The following RAB43 variants were observed in gnomAD, a reference collection of about 807,000 sequenced individuals.
RAB43 encodes ras-related protein Rab-43.
In RAB43, 6 loss-of-function variants were observed where a neutral mutation model predicts 18.8. The observed-to-expected ratio is 0.32, with a 90% CI of 0.17 to 0.63. The LOEUF is 0.63. Ranked by LOEUF, RAB43 falls within the 30% of genes least tolerant of loss-of-function variation. The probability of loss-of-function intolerance (pLI) is 0.79; values close to 1 mark genes in which losing one functional copy is unlikely to be tolerated. For synonymous variants in RAB43, 103 were observed against 124.1 expected (o/e 0.83, Z 1.13); for missense variants, 195 against 289.1 (o/e 0.67, Z 2.36).
chr3:129,098,548 A>G (rs1328860640), intron 1 of RAB43, among the ~76,000 whole-genome samples: 1 of 152,188 alleles, frequency 6.6e-6, no homozygotes, highest in African/African-American at 2.4e-5. Flanking sequence ...TGAACCACAG[A>G]TAAGGGAAAA....
chr3:129,120,706 A>G (rs1935848072), intron 1 of RAB43, among the ~76,000 whole-genome samples: 1 of 152,184 alleles, frequency 6.6e-6, no homozygotes, highest in African/African-American at 2.4e-5. Context: ...GGCTGGCCCT[A>G]GTCGAGTAAA....
intron 1 of RAB43, among the ~76,000 whole-genome samples, chr3:129,103,975 T>C (rs1934595361): frequency 6.6e-6 from 1 of 152,200 alleles, no homozygotes; most frequent in Admixed American, 6.5e-5. Flanking sequence ...CACACACTTT[T>C]TAAAGGTTTA....
intron 2 of RAB43, among the ~76,000 whole-genome samples, chr3:129,091,664 C>T (rs1933665980): frequency 6.6e-6 from 1 of 152,020 alleles, no homozygotes; most frequent in Admixed American, 6.6e-5. Context: ...GACTTCATTA[C>T]ATTCCAAACA....
At chr3:129,092,526 T>G (rs1422872738) in intron 2 of RAB43, 3 of 700,134 alleles carry the variant, frequency 4.3e-6, no homozygotes, top group Non-Finnish European at 7.8e-6. Flanking sequence ...ACTTGGAGGT[T>G]GAGGCAGGAG....
chr3:129,120,022 G>A (rs1935806783), intron 1 of RAB43, among the ~76,000 whole-genome samples: 1 of 152,124 alleles, frequency 6.6e-6, no homozygotes, highest in Non-Finnish European at 1.5e-5. Flanking sequence ...ACTCAAAGCT[G>A]CCTTCTGCAC....
intron 1 of RAB43, among the ~76,000 whole-genome samples, chr3:129,108,916 T>TC (rs1366713461): frequency 5.3e-4 from 80 of 152,012 alleles, no homozygotes; most frequent in African/African-American, 1.9e-3. Flanking sequence ...GCCCACAACA[T>TC]CCCCTAGGAC....
rs182112774 is a variant in RAB43, at chr3:129,109,282, T to C, written c.204+12004A>G. ...AAAATTAGCCGGGCGTGGTGGCGGG[T>C]GCCTGTACTTCCAGCTACTCGGGAG... is the stretch of plus-strand genomic sequence containing the variant. On this transcript the variant is annotated intron_variant, in intron 1 of 2. Coordinates refer to ENST00000315150, the MANE Select transcript of RAB43 (RefSeq NM_198490.3). 6.6e-3 allele frequency among the ~76,000 whole-genome samples: 990 copies of C among 150,996 alleles called. 9 individuals are homozygous for C. The highest frequency in any genetic ancestry group is 0.023 in the African/African-American group (934 of 41,098).
intron 1 of RAB43, among the ~76,000 whole-genome samples, chr3:129,110,961 C>T (rs1935128998): frequency 1.3e-5 from 2 of 150,644 alleles, no homozygotes; most frequent in Admixed American, 1.3e-4. Context: ...TAAGATAATT[C>T]AGGGAAAGCA....
At position 129,095,508 on chromosome 3, in the gene RAB43, G is replaced by A. The variant is rs890480807; in HGVS notation, c.205-339C>T. Among the ~76,000 whole-genome samples the A allele has an allele frequency of 2.0e-5, 3 of 152,322 alleles. No homozygotes were observed. Among genetic ancestry groups the A allele is most frequent in the Non-Finnish European group, 2.9e-5 (2 of 68,040 alleles). ...AAAACAGAACCACCAGTGCTCAAGC[G>A]GCCGGCGGCTGGAAAGCTGGCTCCA... On this transcript the variant is annotated intron_variant, in intron 1 of 2. Transcript: ENST00000315150. The surrounding 1 kb of genome is among the most constrained non-coding windows in gnomAD (Gnocchi z 4.2).
chr3:129,093,698 G>T (rs1933829619), intron 2 of RAB43, among the ~76,000 whole-genome samples: 1 of 152,196 alleles, frequency 6.6e-6, no homozygotes, highest in Non-Finnish European at 1.5e-5. Context: ...AGTCTGAACA[G>T]GCTGTGGAAG....
intron 1 of RAB43, among the ~76,000 whole-genome samples, chr3:129,113,170 A>ATT (rs1251520604): frequency 3.0e-5 from 4 of 134,418 alleles, no homozygotes; most frequent in African/African-American, 8.6e-5. Context: ...TATTATTATT[A>ATT]TTTTTTTTTT....
At chr3:129,093,121 G>A (rs1259512348) in intron 2 of RAB43, among the ~76,000 whole-genome samples, 2 of 151,864 alleles carry the variant, frequency 1.3e-5, no homozygotes, top group Non-Finnish European at 2.9e-5. Context: ...CTCCGCAGTA[G>A]CTGGGATTAC....
chr3:129,121,653 T>TCGGCC lies in RAB43; in HGVS notation c.-169_-165dup, dbSNP rs1935942701. On this transcript the variant is annotated 5_prime_UTR_variant, in exon 1 of 3. Transcript: ENST00000315150. ...GCACTGCCGACCGCCTGCCTCGGCC[T>TCGGCC]CGGCCCCGCCCCACCCCGGCTGGCT... The TCGGCC allele has an allele frequency of 2.1e-6, 1 of 484,232 alleles. No individual in the cohort carries two copies. Among genetic ancestry groups the TCGGCC allele is most frequent in the African/African-American group, 2.1e-5 (1 of 47,646 alleles). 30.0% of individuals were successfully genotyped at this position (484,232 alleles called of 1,614,324 possible).
At chr3:129,114,862 G>A (rs987782844) in intron 1 of RAB43, among the ~76,000 whole-genome samples, 2 of 152,126 alleles carry the variant, frequency 1.3e-5, no homozygotes, top group Admixed American at 6.5e-5. Context: ...AGCCACAGGG[G>A]CCAGTCTCTT....
At chr3:129,103,691 A>G (rs1405739583) in intron 1 of RAB43, among the ~76,000 whole-genome samples, 1 of 151,982 alleles carries the variant, frequency 6.6e-6, no homozygotes, top group Non-Finnish European at 1.5e-5. Flanking sequence ...CAGCCTCCCA[A>G]GTAGCTGGGA....
In RAB43 at chr3:129,095,900, G is replaced by C. The variant is rs1024513345; in HGVS notation, c.205-731C>G. On this transcript the variant is annotated intron_variant, in intron 1 of 2. Coordinates refer to ENST00000315150, the MANE Select transcript of RAB43 (RefSeq NM_198490.3). This position sits in a 1 kb window ranked among gnomAD's most constrained non-coding sequence, Gnocchi z 4.2. ...TTTAGAAGCAGAGTCTGGCAGGATG[G>C]ATACCAGGCCAGGTAGGGGCAGAGG... 5.3e-5 allele frequency among the ~76,000 whole-genome samples: 8 copies of C among 152,212 alleles called. No individual in the cohort carries two copies. The highest frequency in any genetic ancestry group is 2.6e-4 in the Admixed American group (4 of 15,286).
Position 129,121,439 on chromosome 3 carries a change from G to A in RAB43, c.51C>T (p.Phe17=). 8 of 1,613,302 alleles carry A rather than the reference G, an allele frequency of 5.0e-6. No homozygotes were observed. The highest frequency in any genetic ancestry group is 6.8e-6 in the Non-Finnish European group (8 of 1,179,656). ...CGCCCACCAGCACCAGCTTGAACAG[G>A]AAATCGTACTGCTCGTCCGGGTCCC... ...GPGDPDEQYD[F]LFKLVLVGDA... The change falls in exon 1 of 3, where the codon TTC becomes TTT. Residue 17 remains phenylalanine (F), a synonymous_variant. Transcript: ENST00000315150.
At chr3:129,118,823 G>A (rs960638185) in intron 1 of RAB43, among the ~76,000 whole-genome samples, 1 of 152,124 alleles carries the variant, frequency 6.6e-6, no homozygotes, top group African/African-American at 2.4e-5. Context: ...CACTGCACCC[G>A]GCCCCTGGAA....
chr3:129,095,965 T>C lies in RAB43; in HGVS notation c.205-796A>G, dbSNP rs535309591. Among the ~76,000 whole-genome samples, 2 of 152,160 alleles carry C rather than the reference T, an allele frequency of 1.3e-5. No homozygotes were observed. The highest frequency in any genetic ancestry group is 4.8e-5 in the African/African-American group (2 of 41,510). The stretch of plus-strand genomic sequence containing the variant: ...GGAGGCTGCCCACTCTGGGCAGAGA[T>C]CACCAGCCAAGGGGCATATGCCAGG... On this transcript the variant is annotated intron_variant, in intron 1 of 2. Coordinates refer to ENST00000315150, the MANE Select transcript of RAB43 (RefSeq NM_198490.3). The surrounding 1 kb of genome is among the most constrained non-coding windows in gnomAD (Gnocchi z 4.2).
Sources: gnomAD v4.1 joint callset for allele counts (sites outside exome capture counted in the v4.1 genomes callset) on GRCh38, gnomAD v4.1.1 for gene constraint, Gnocchi (gnomAD v3.1) non-coding constraint, MANE v1.5 for transcripts, NCBI Gene and HGNC (gene_info 2026-07-23, HGNC 2026-07-21) for gene names.